CCDC51: variants seen among roughly 807,000 people sequenced by gnomAD.
The protein encoded by CCDC51 is mitochondrial potassium channel.
A neutral mutation model predicts 24.8 loss-of-function variants in CCDC51; 25 were observed. That is an observed-to-expected ratio of 1.01 (90% confidence interval 0.73 to 1.41). The LOEUF (loss-of-function observed/expected upper bound fraction) is 1.41. Ranked by LOEUF, CCDC51 falls within the 40% of genes most tolerant of loss-of-function variation. CCDC51 has a pLI of 0.00. For missense variants in CCDC51, 466 were observed against 519.1 expected, an observed-to-expected ratio of 0.90 and a Z score of 0.99; for synonymous variants, 190 against 204.3, an observed-to-expected ratio of 0.93 and a Z score of 0.60.
rs1560091524 is a variant in CCDC51, at chr3:48,435,826, C to T, written c.-8-690G>A. Among the ~76,000 whole-genome samples, 2 of 152,144 alleles carry T rather than the reference C, an allele frequency of 1.3e-5. No homozygotes were observed. Among genetic ancestry groups the T allele is most frequent in the African/African-American group, 4.8e-5 (2 of 41,428 alleles). On this transcript the variant is annotated intron_variant, in intron 1 of 3. Coordinates refer to ENST00000395694, the MANE Select transcript of CCDC51 (RefSeq NM_001256964.2). This position sits in a 1 kb window ranked among gnomAD's most constrained non-coding sequence, Gnocchi z 4.2. ...TGCCACAGAGGACTTTTCTTAGGTT[C>T]ACGCCATACAACTCCGCCCCCAGAC...
rs201139758 is a variant in CCDC51, at chr3:48,433,868, C to G, written c.316G>C (p.Glu106Gln). ...CCTCGAGCCACCATGAACACTTTCT[C>G]AGCCTGCAAAGAGAAAACCGGAGGC... ...REAQGKVTEA[E>Q]KVFMVARGLV... The change falls in exon 3 of 4, where the codon GAG becomes CAG. Residue 106 changes from glutamate to glutamine, a missense_variant. Glu to Gln is a conservative substitution (Grantham distance 29). Coordinates refer to ENST00000395694, the MANE Select transcript of CCDC51 (RefSeq NM_001256964.2). The surrounding 1 kb of genome is among the most constrained non-coding windows in gnomAD (Gnocchi z 4.4). 6.2e-7 allele frequency: 1 copy of G among 1,613,224 alleles called. No individual in the cohort carries two copies. Among genetic ancestry groups the G allele is most frequent in the East Asian group, 2.2e-5 (1 of 44,870 alleles).
chr3:48,442,049 C>A (rs556251455), upstream of CCDC51, among the ~76,000 whole-genome samples: 1 of 152,196 alleles, frequency 6.6e-6, no homozygotes, highest in South Asian at 2.1e-4. Context: ...CAAAGGGAGA[C>A]CCTGTCTACA....
chr3:48,446,454 C>T, the CCDC51 span: 1 of 169,274 alleles, frequency 5.9e-6, no homozygotes, highest in African/African-American at 2.4e-5. Context: ...GACTCAAACG[C>T]AACACGCGTG....
upstream of CCDC51, chr3:48,443,883 G>A: frequency 6.4e-7 from 1 of 1,554,588 alleles, no homozygotes; most frequent in Non-Finnish European, 8.6e-7. Flanking sequence ...CAAAAAGTAA[G>A]CTGTTCCTTG....
At chr3:48,441,554 C>T (rs1383850665), upstream of CCDC51, among the ~76,000 whole-genome samples, 1 of 150,958 alleles carries the variant, frequency 6.6e-6, no homozygotes, top group South Asian at 2.1e-4. Flanking sequence ...AGTCTTTTTA[C>T]TTCTGGGTAT....
At position 48,433,976 on chromosome 3, in the gene CCDC51, G is replaced by C; in HGVS notation, c.313-105C>G. 6.7e-7 allele frequency: 1 copy of C among 1,503,270 alleles called. No homozygotes were observed. Among genetic ancestry groups the C allele is most frequent in the East Asian group, 2.3e-5 (1 of 42,794 alleles). 93.1% of individuals were successfully genotyped at this position (1,503,270 alleles called of 1,614,324 possible). A position where few individuals can be genotyped will look rare whatever the true frequency, so the allele number is the denominator to read the frequency against. On this transcript the variant is annotated intron_variant, in intron 2 of 3. Coordinates refer to ENST00000395694, the MANE Select transcript of CCDC51 (RefSeq NM_001256964.2). This position sits in a 1 kb window ranked among gnomAD's most constrained non-coding sequence, Gnocchi z 4.4. ...CCCAGAAGAGGTCACTGGGGTGTGAGCTGCAAAGGGTGGAAACGGAATTCC... is the reference window on the plus strand; with the variant it reads ...CCCAGAAGAGGTCACTGGGGTGTGACCTGCAAAGGGTGGAAACGGAATTCC...
In CCDC51 at chr3:48,432,683, G is replaced by A. The variant is rs758989114; in HGVS notation, c.961C>T (p.Arg321Ter). ...RQVHSCLEGL[R>*]EQLDGLEKTC... ...TTTTCTAGGCCATCAAGCTGCTCTC[G>A]TAAGCCTTCTAGACATGAATGGACT... is the stretch of plus-strand genomic sequence containing the variant. The change falls in exon 4 of 4, where the codon CGA (arginine) becomes TGA (stop). Residue 321 changes from arginine to a stop codon, truncating the protein, a stop_gained. Transcript: ENST00000395694. LOFTEE classifies it high-confidence loss of function. The A allele has an allele frequency of 5.0e-6, 8 of 1,614,106 alleles. No homozygotes were observed. The highest frequency in any genetic ancestry group is 2.2e-5 in the East Asian group (1 of 44,906).
upstream of CCDC51, chr3:48,440,851 C>T: frequency 1.7e-6 from 1 of 592,036 alleles, no homozygotes; most frequent in Non-Finnish European, 3.0e-6. Context: ...GGCTTCCATT[C>T]CTTAGGAAGA....
At chr3:48,434,008 A>C in intron 2 of CCDC51, 137 bp from the exon 3 acceptor site, 1 of 1,445,864 alleles carries the variant, frequency 6.9e-7, no homozygotes, top group Non-Finnish European at 9.1e-7. Context: ...TTCCTTAGAC[A>C]CTAATCCTGG....
At chr3:48,445,837 TTCTC>T in the CCDC51 span, among the ~76,000 whole-genome samples, 1 of 152,306 alleles carries the variant, frequency 6.6e-6, no homozygotes, top group Non-Finnish European at 1.5e-5. Context: ...CATTGCCAAA[TTCTC>T]TATTGCGGCT....
rs1182713828 is a variant in CCDC51, at chr3:48,433,038, G to C, written c.606C>G (p.Asn202Lys). Residue 202 changes from asparagine to lysine, a missense_variant, in exon 4 of 4, where the codon AAC becomes AAG. Asn to Lys is a moderately conservative substitution (Grantham distance 94). Transcript: ENST00000395694. The surrounding 1 kb of genome is among the most constrained non-coding windows in gnomAD (Gnocchi z 4.4). ...KERTRAERTK[N>K]WSLIGSVLGA... ...CCAGGACTGAGCCAATGAGGGACCA[G>C]TTCTTGGTCCTCTCAGCCCTTGTGC... 1 of 1,614,112 alleles carries C rather than the reference G, an allele frequency of 6.2e-7. No homozygotes were observed. Among genetic ancestry groups the C allele is most frequent in the Non-Finnish European group, 8.5e-7 (1 of 1,180,048 alleles).
rs565861189 is a variant in CCDC51, at chr3:48,434,797, A to G, written c.312+20T>C. 1.0e-5 allele frequency: 16 copies of G among 1,563,410 alleles called. No homozygotes were observed. The highest frequency in any genetic ancestry group is 5.4e-5 in the African/African-American group (4 of 73,948). On this transcript the variant is annotated intron_variant, in intron 2 of 3. Coordinates refer to ENST00000395694, the MANE Select transcript of CCDC51 (RefSeq NM_001256964.2). ...CCCAAGTCAGAGGGCGGGGCCAGCC[A>G]CCCCAGCTCCCCTCCTCACCTCTGT...
chr3:48,445,767 C>T, the CCDC51 span, among the ~76,000 whole-genome samples: 2 of 152,202 alleles, frequency 1.3e-5, no homozygotes, highest in African/African-American at 4.8e-5. Context: ...CTAGGACACT[C>T]ACAGGTGAAG....
At chr3:48,440,344 G>A (rs768333770), upstream of CCDC51, 4 of 1,611,926 alleles carry the variant, frequency 2.5e-6, no homozygotes, top group South Asian at 4.4e-5. Context: ...GGACTGCGGG[G>A]ACGGCGGGGT....
upstream of CCDC51, among the ~76,000 whole-genome samples, chr3:48,441,270 T>G (rs2039557287): frequency 6.6e-6 from 1 of 151,984 alleles, no homozygotes; most frequent in Non-Finnish European, 1.5e-5. Context: ...GGTCTTGAAC[T>G]CCTGACCTCG....
chr3:48,441,343 C>T (rs920454151), upstream of CCDC51, among the ~76,000 whole-genome samples: 4 of 151,720 alleles, frequency 2.6e-5, no homozygotes, highest in Admixed American at 2.6e-4. Flanking sequence ...CGCACCTGGC[C>T]AGTTTTTTTT....
chr3:48,446,644 G>A, the CCDC51 span: 1 of 529,882 alleles, frequency 1.9e-6, no homozygotes, highest in Non-Finnish European at 2.9e-6. Context: ...CTAAACACCG[G>A]GCGGGGCCGG....
chr3:48,441,417 A>T (rs1366774328), upstream of CCDC51, among the ~76,000 whole-genome samples: 3 of 150,556 alleles, frequency 2.0e-5, no homozygotes, highest in Non-Finnish European at 4.4e-5. Context: ...TCCTGACTTC[A>T]AGTGATTCAC....
Position 48,433,937 on chromosome 3 carries a change from C to A in CCDC51, c.313-66G>T. The A allele has an allele frequency of 6.4e-7, 1 of 1,560,690 alleles. No homozygotes were observed. On this transcript the variant is annotated intron_variant, in intron 2 of 3. Transcript: ENST00000395694. The surrounding 1 kb of genome is among the most constrained non-coding windows in gnomAD (Gnocchi z 4.4). ...ACACCCACACAGGCTCAGCTGCATT[C>A]CCAGCAAGGCATTCCCAGAAGAGGT...
Sources: allele counts gnomAD v4.1 joint callset (sites outside exome capture counted in the v4.1 genomes callset), GRCh38; gene constraint gnomAD v4.1.1; non-coding constraint Gnocchi (gnomAD v3.1); transcripts MANE v1.5; gene names NCBI Gene and HGNC (gene_info 2026-07-23, HGNC 2026-07-21).